Variants in PPP2R2B observed in about 807,000 individuals in gnomAD.
PPP2R2B encodes the protein protein phosphatase 2 regulatory subunit Bbeta.
Under a neutral mutation model 46.0 loss-of-function variants are expected in PPP2R2B, and 5 were observed. That is an observed-to-expected ratio of 0.11 (90% CI 0.06 to 0.23). The LOEUF is 0.23. Among genes scored for constraint, PPP2R2B ranks in the 10% least tolerant of loss-of-function variants. The pLI is 1.00. For missense variants in PPP2R2B, 367 were observed against 575.0 expected, an observed-to-expected ratio of 0.64 and a Z score of 3.70; for synonymous variants, 215 against 206.7, an observed-to-expected ratio of 1.04 and a Z score of -0.34.
chr5:146,734,250 C>T (rs1440292663), intron 2 of PPP2R2B, among the ~76,000 whole-genome samples: 1 of 151,728 alleles, frequency 6.6e-6, no homozygotes, highest in Non-Finnish European at 1.5e-5. Flanking sequence ...AGAGATGGGG[C>T]CTCCCTACAT....
Position 147,031,402 on chromosome 5 carries a change from G to A in PPP2R2B, c.79+24263C>T, listed in dbSNP as rs547023167. On this transcript the variant is annotated intron_variant, in intron 1 of 8. Transcript: ENST00000336640. ...CTGTCCAACTGTTTTTGTTTTCATA[G>A]TAGTATGTGTTTCTCTCTATTTTTA... Among the ~76,000 whole-genome samples, 124 of 151,752 alleles carry A rather than the reference G, an allele frequency of 8.2e-4. 3 individuals are homozygous for A. Among genetic ancestry groups the A allele is most frequent in the African/African-American group, 2.9e-3 (121 of 41,410 alleles).
intron 1 of PPP2R2B, among the ~76,000 whole-genome samples, chr5:146,895,303 C>G (rs569121311): frequency 2.1e-4 from 32 of 152,336 alleles, no homozygotes; most frequent in Middle Eastern, 6.8e-3. Flanking sequence ...AGTCGGCCCC[C>G]TGCCATACTG....
At chr5:146,722,895 T>G (rs1751614863) in intron 2 of PPP2R2B, among the ~76,000 whole-genome samples, 3 of 152,124 alleles carry the variant, frequency 2.0e-5, no homozygotes, top group Admixed American at 2.0e-4. Flanking sequence ...GACTTCTCTC[T>G]TGTCTACTGC....
intron 1 of PPP2R2B, among the ~76,000 whole-genome samples, chr5:147,037,628 T>C (rs1026542538): frequency 6.6e-6 from 1 of 152,106 alleles, no homozygotes; most frequent in Non-Finnish European, 1.5e-5. Flanking sequence ...TCATGGGATA[T>C]GTATCTACGC....
At chr5:146,956,621 T>C (rs984128837) in intron 1 of PPP2R2B, among the ~76,000 whole-genome samples, 2 of 152,192 alleles carry the variant, frequency 1.3e-5, no homozygotes, top group Non-Finnish European at 2.9e-5. Context: ...AGACTTGAGA[T>C]TATAGCTCTT....
intron 1 of PPP2R2B, among the ~76,000 whole-genome samples, chr5:146,945,858 C>T (rs989364270): frequency 6.6e-5 from 10 of 152,136 alleles, no homozygotes; most frequent in African/African-American, 2.2e-4. Context: ...TGAGCTGAGA[C>T]ACGTGTCAGA....
intron 2 of PPP2R2B, among the ~76,000 whole-genome samples, chr5:146,798,703 C>T: frequency 6.6e-6 from 1 of 152,196 alleles, no homozygotes; most frequent in Non-Finnish European, 1.5e-5. Context: ...GCTCTAGGCA[C>T]ATAGCGAGAT....
chr5:146,644,186 C>CAAAA (rs1215773575), intron 6 of PPP2R2B, among the ~76,000 whole-genome samples: 6 of 71,326 alleles, frequency 8.4e-5, no homozygotes, highest in Non-Finnish European at 1.3e-4. Context: ...TATCGTAATG[C>CAAAA]AAAAAAAAGT....
Position 146,910,503 on chromosome 5 carries a change from T to C in PPP2R2B, c.79+145162A>G, listed in dbSNP as rs74552500. 1.6e-3 allele frequency among the ~76,000 whole-genome samples: 237 copies of C among 152,334 alleles called. 3 individuals are homozygous for C. The highest frequency in any genetic ancestry group is 5.1e-3 in the African/African-American group (211 of 41,576). ...CTTAAATTTTGTGCCATATGATTGTTGCTTCCTTTACTCTAGTCCTGGGAA... is the reference window on the plus strand; with the variant it reads ...CTTAAATTTTGTGCCATATGATTGTCGCTTCCTTTACTCTAGTCCTGGGAA... On this transcript the variant is annotated intron_variant, in intron 1 of 8. Transcript: ENST00000336640.
At position 146,701,125 on chromosome 5, in the gene PPP2R2B, C is replaced by T. The variant is rs952098536; in HGVS notation, c.88G>A (p.Val30Ile). 6.2e-7 allele frequency: 1 copy of T among 1,613,470 alleles called. No homozygotes were observed. Among genetic ancestry groups the T allele is most frequent in the African/African-American group, 1.3e-5 (1 of 74,858 alleles). ...AATTCTCCCGTGTGGTTGAATTCTA[C>T]CGTAGAGATAATGTCAGCTGCAAAG... is the stretch of plus-strand genomic sequence containing the variant. Reference protein sequence around the residue: ...YATEADIISTVEFNHTGELLA... With the variant: ...YATEADIISTIEFNHTGELLA... The change falls in exon 3 of 10, where the codon GTA (valine) becomes ATA (isoleucine). Residue 30 changes from valine (V) to isoleucine (I), a missense_variant. Val to Ile is a conservative substitution (Grantham distance 29, BLOSUM62 3). Transcript: ENST00000394411.
chr5:147,066,206 T>C (rs191465304), intron 2 of PPP2R2B, among the ~76,000 whole-genome samples: 25 of 152,322 alleles, frequency 1.6e-4, no homozygotes, highest in African/African-American at 5.5e-4. Context: ...AATCTCAATT[T>C]CCTCTGCCAA....
intron 2 of PPP2R2B, among the ~76,000 whole-genome samples, chr5:146,705,595 A>G (rs980906326): frequency 6.6e-6 from 1 of 152,198 alleles, no homozygotes; most frequent in Non-Finnish European, 1.5e-5. Context: ...TCCCATCCAT[A>G]TAAAACTGTG....
chr5:146,592,931 C>T, intron 9 of PPP2R2B, 40 bp downstream of exon 9: 1 of 1,555,846 alleles, frequency 6.4e-7, no homozygotes, highest in South Asian at 1.1e-5. Flanking sequence ...CTCTTCAAGA[C>T]AATCTTTGGA....
intron 5 of PPP2R2B, among the ~76,000 whole-genome samples, chr5:146,653,608 T>G (rs1456015569): frequency 6.6e-6 from 1 of 152,104 alleles, no homozygotes; most frequent in African/African-American, 2.4e-5. Context: ...CCGGGCCTCC[T>G]CAGTTACCGT....
intron 1 of PPP2R2B, among the ~76,000 whole-genome samples, chr5:146,924,896 T>C (rs1220049069): frequency 1.3e-5 from 2 of 152,176 alleles, no homozygotes; most frequent in African/African-American, 2.4e-5. Flanking sequence ...TGCATAGTAT[T>C]CCACGGTGTA....
chr5:146,960,274 C>T lies in PPP2R2B; in HGVS notation c.79+95391G>A, dbSNP rs546254070. 1.3e-4 allele frequency among the ~76,000 whole-genome samples: 20 copies of T among 152,240 alleles called. No homozygotes were observed. In the South Asian group the frequency reaches 3.9e-3, roughly 30 times the overall value. ...TCATCACTCAGATACTATCTGGTTA[C>T]ATGTGTAAAGAAAAGACATACACAT... On this transcript the variant is annotated intron_variant, in intron 1 of 8. Transcript: ENST00000336640.
chr5:146,642,793 G>T (rs548196325), intron 6 of PPP2R2B, among the ~76,000 whole-genome samples: 1 of 152,266 alleles, frequency 6.6e-6, no homozygotes, highest in Admixed American at 6.5e-5. Context: ...ATGGTGGCTC[G>T]CACCTGCAAT....
chr5:146,849,864 C>T (rs1043205916), intron 2 of PPP2R2B, among the ~76,000 whole-genome samples: 37 of 152,146 alleles, frequency 2.4e-4, no homozygotes, highest in African/African-American at 8.9e-4. Flanking sequence ...AATACATCCT[C>T]GAAGTTCCTG....
At chr5:146,599,473 G>T (rs903080528) in intron 8 of PPP2R2B, among the ~76,000 whole-genome samples, 5 of 152,266 alleles carry the variant, frequency 3.3e-5, no homozygotes, top group Admixed American at 1.3e-4. Flanking sequence ...AAACTTTAAT[G>T]GTCCTCCATT....
Sources: allele counts gnomAD v4.1 joint callset (sites outside exome capture counted in the v4.1 genomes callset), GRCh38; gene constraint gnomAD v4.1.1; transcripts MANE v1.5; gene names NCBI Gene and HGNC (gene_info 2026-07-23, HGNC 2026-07-21).